ABLIM3: variants seen among roughly 807,000 people sequenced by gnomAD.
The protein encoded by ABLIM3 is actin binding LIM protein family member 3.
A neutral mutation model predicts 109.5 loss-of-function variants in ABLIM3; 61 were observed. The ratio of observed to expected loss-of-function variants is 0.56; its 90% confidence interval spans 0.45 to 0.69. The LOEUF (loss-of-function observed/expected upper bound fraction) is 0.69, where lower values mean the gene tolerates loss of function less well. ABLIM3 is among the 30% of genes least tolerant of loss of function. ABLIM3 has a pLI of 0.00. For missense variants in ABLIM3, 796 were observed against 889.5 expected (o/e 0.89, Z 1.34); for synonymous variants, 300 against 324.8 (o/e 0.92, Z 0.82).
intron 2 of ABLIM3, among the ~76,000 whole-genome samples, chr5:149,154,683 A>G (rs1245114278): frequency 2.0e-5 from 3 of 152,212 alleles, no homozygotes; most frequent in Admixed American, 2.0e-4. Flanking sequence ...TACCATAGTC[A>G]GTGATTATTT....
At position 149,258,394 on chromosome 5, in the gene ABLIM3, G is replaced by A. The variant is rs979930405; in HGVS notation, c.2042G>A (p.Arg681Gln). 14 of 1,613,700 alleles carry A rather than the reference G, an allele frequency of 8.7e-6. No individual in the cohort carries two copies. Among genetic ancestry groups the A allele is most frequent in the African/African-American group, 2.7e-5 (2 of 74,888 alleles). ...WKRNELKKQA[R>Q]LF ...AGGAATGAACTGAAGAAGCAAGCCC[G>A]GCTGTTCTAGGCAGAGGCTCTATAA... The change falls in exon 24 of 24, where the codon CGG (arginine) becomes CAG (glutamine). Residue 681 changes from arginine (R) to glutamine (Q), a missense_variant. Arg to Gln is a conservative substitution (Grantham distance 43, BLOSUM62 1). Coordinates refer to ENST00000309868, the MANE Select transcript of ABLIM3 (RefSeq NM_014945.5).
chr5:149,241,198 T>C (rs954670876), intron 14 of ABLIM3, among the ~76,000 whole-genome samples: 8 of 152,258 alleles, frequency 5.3e-5, no homozygotes, highest in African/African-American at 1.9e-4. Flanking sequence ...TTATTCCTTC[T>C]GTACAGCTAA....
intron 7 of ABLIM3, among the ~76,000 whole-genome samples, chr5:149,213,765 C>T (rs1308886109): frequency 2.0e-5 from 3 of 151,740 alleles, no homozygotes; most frequent in Admixed American, 1.3e-4. Flanking sequence ...GACTGAGTTT[C>T]GATTGATCCC....
chr5:149,217,088 A>C (rs1329060171), intron 8 of ABLIM3, 42 bp downstream of exon 8: 2 of 1,557,220 alleles, frequency 1.3e-6, no homozygotes, highest in Non-Finnish European at 1.8e-6. Context: ...CGACCTGCTC[A>C]TGACTGGAAA....
At chr5:149,236,766 C>G (rs757277341) in intron 10 of ABLIM3, among the ~76,000 whole-genome samples, 10 of 152,080 alleles carry the variant, frequency 6.6e-5, no homozygotes, top group Non-Finnish European at 1.3e-4. Flanking sequence ...TGTGTTGAAA[C>G]TTGGGCTCTT....
intron 4 of ABLIM3, among the ~76,000 whole-genome samples, chr5:149,199,729 C>T (rs1057207907): frequency 6.6e-6 from 1 of 152,210 alleles, no homozygotes; most frequent in Non-Finnish European, 1.5e-5. Flanking sequence ...TGGGCGAGAA[C>T]AGCTCAACAG....
intron 2 of ABLIM3, among the ~76,000 whole-genome samples, chr5:149,173,202 G>A (rs1259309288): frequency 3.3e-5 from 5 of 152,214 alleles, no homozygotes; most frequent in Admixed American, 2.6e-4. Context: ...GTCACATGGC[G>A]TGATCACTTC....
chr5:149,154,828 A>T (rs1019570107), intron 2 of ABLIM3, among the ~76,000 whole-genome samples: 3 of 152,316 alleles, frequency 2.0e-5, no homozygotes, highest in Non-Finnish European at 4.4e-5. Context: ...TTTGATGCAG[A>T]GTGATGATCA....
At chr5:149,177,504 C>T (rs1756047714) in intron 2 of ABLIM3, among the ~76,000 whole-genome samples, 1 of 152,186 alleles carries the variant, frequency 6.6e-6, no homozygotes, top group South Asian at 2.1e-4. Context: ...CCAATTCACA[C>T]ATTTCTCTGC....
intron 16 of ABLIM3, among the ~76,000 whole-genome samples, chr5:149,245,258 C>A (rs569029103): frequency 5.4e-4 from 82 of 152,312 alleles, no homozygotes; most frequent in Non-Finnish European, 1.0e-3. Flanking sequence ...TAGGCCCCAG[C>A]CATGAGAGGG....
chr5:149,242,400 G>C, intron 14 of ABLIM3, 91 bp from the exon 15 acceptor site: 1 of 1,337,964 alleles, frequency 7.5e-7, no homozygotes, highest in South Asian at 1.2e-5. Flanking sequence ...TCTCTTCTGA[G>C]ATCAACTGAC....
rs781668092 is a variant in ABLIM3, at chr5:149,250,471, C to T, written c.1754C>T (p.Ser585Phe). Residue 585 changes from serine (S) to phenylalanine (F), a missense_variant, in exon 20 of 24, where the codon TCC becomes TTC. Ser to Phe is a radical substitution (Grantham distance 155). Transcript: ENST00000309868. ...DSDPLISKSASLPAYRRNGLH... is the reference protein window; with the variant it reads ...DSDPLISKSAFLPAYRRNGLH... Reference sequence around the variant, plus strand: ...GATCCTCTCATCTCCAAATCTGCCTCCCTGCCTGCCTACCGAAGAAATGGG... The same window carrying T: ...GATCCTCTCATCTCCAAATCTGCCTTCCTGCCTGCCTACCGAAGAAATGGG... The T allele has an allele frequency of 5.0e-6, 8 of 1,614,192 alleles. No individual in the cohort carries two copies. The South Asian group carries it at 8.8e-5, about 18-fold the overall frequency.
At chr5:149,249,723 T>C in intron 18 of ABLIM3, 92 bp from the exon 19 acceptor site, 4 of 1,497,266 alleles carry the variant, frequency 2.7e-6, no homozygotes, top group Non-Finnish European at 3.7e-6. Flanking sequence ...GGGGATCGGG[T>C]ATGGAAGCCA....
At chr5:149,212,253 G>A (rs1189902307) in intron 7 of ABLIM3, among the ~76,000 whole-genome samples, 1 of 152,152 alleles carries the variant, frequency 6.6e-6, no homozygotes, top group Non-Finnish European at 1.5e-5. Context: ...AGCAGAGCTG[G>A]GAAACATTTA....
In ABLIM3 at chr5:149,142,110, T is replaced by TA; in HGVS notation, c.13+4dup. On this transcript the variant is annotated splice_region_variant and intron_variant, in intron 2 of 23. Transcript: ENST00000309868. ...AAGACATCACCATGAACACTAGCAG[T>TA]AAGTGGATCCTCCTCTCCTTTGCCA... The TA allele has an allele frequency of 1.2e-6, 2 of 1,609,694 alleles. No individual in the cohort carries two copies. The highest frequency in any genetic ancestry group is 8.5e-7 in the Non-Finnish European group (1 of 1,179,384).
chr5:149,251,711 G>T (rs1221602945), intron 21 of ABLIM3, among the ~76,000 whole-genome samples: 2 of 152,174 alleles, frequency 1.3e-5, no homozygotes, highest in East Asian at 3.9e-4. Context: ...ACCGAGGGTT[G>T]CCTGCCAGCC....
At chr5:149,167,845 G>T (rs543869894) in intron 2 of ABLIM3, among the ~76,000 whole-genome samples, 96 of 152,292 alleles carry the variant, frequency 6.3e-4, no homozygotes, top group Admixed American at 2.4e-3. Flanking sequence ...TGAAAGTAGG[G>T]TTTATACTCC....
rs1188399829 is a variant in ABLIM3 at position 149,198,798 on chromosome 5, C to T, written c.335+396C>T. Among the ~76,000 whole-genome samples, 1 of 152,176 alleles carries T rather than the reference C, an allele frequency of 6.6e-6. No homozygotes were observed. Among genetic ancestry groups the T allele is most frequent in the Non-Finnish European group, 1.5e-5 (1 of 68,030 alleles). On this transcript the variant is annotated intron_variant, in intron 4 of 23. Coordinates refer to ENST00000309868, the MANE Select transcript of ABLIM3 (RefSeq NM_014945.5). The surrounding 1 kb of genome is among the most constrained non-coding windows in gnomAD (Gnocchi z 4.2). ...GTGGGACAGGGATGTCTGTACATAG[C>T]CTTCCTCCATCATCCTGGCACCACC...
chr5:149,246,317 G>C (rs1242719399), intron 16 of ABLIM3, among the ~76,000 whole-genome samples, 165 bp from the exon 17 acceptor site: 1 of 152,090 alleles, frequency 6.6e-6, no homozygotes, highest in East Asian at 1.9e-4. Flanking sequence ...AGGCAGCAGA[G>C]ACCACTTTCA....
Sources: allele counts gnomAD v4.1 joint callset (sites outside exome capture counted in the v4.1 genomes callset), GRCh38; gene constraint gnomAD v4.1.1; non-coding constraint Gnocchi (gnomAD v3.1); transcripts MANE v1.5; gene names NCBI Gene and HGNC (gene_info 2026-07-23, HGNC 2026-07-21).